TMEM260: variants seen among roughly 807,000 people sequenced by gnomAD.
The protein encoded by TMEM260 is protein O-mannosyl-transferase TMEM260.
In TMEM260, 82 loss-of-function variants were observed where a neutral mutation model predicts 88.9. That is an observed-to-expected ratio of 0.92 (90% CI 0.77 to 1.11). The LOEUF (loss-of-function observed/expected upper bound fraction) is 1.11. Ranked by LOEUF, TMEM260 falls within the 50% of genes least tolerant of loss-of-function variation. The pLI is 0.00. For synonymous variants in TMEM260, 314 were observed against 309.3 expected, an observed-to-expected ratio of 1.02 and a Z score of -0.16; for missense variants, 902 against 853.4, an observed-to-expected ratio of 1.06 and a Z score of -0.71.
intron 12 of TMEM260, among the ~76,000 whole-genome samples, chr14:56,626,676 A>T (rs1344474647): frequency 1.3e-5 from 2 of 152,324 alleles, no homozygotes; most frequent in East Asian, 1.9e-4. Context: ...TTCTGGCAGC[A>T]TGGATAAGGA....
intron 15 of TMEM260, among the ~76,000 whole-genome samples, chr14:56,644,819 T>G (rs1207996756): frequency 6.6e-6 from 1 of 151,900 alleles, no homozygotes; most frequent in Non-Finnish European, 1.5e-5. Context: ...AACAACCCCA[T>G]CAACAAGTGG....
At chr14:56,602,858 T>G (rs1886662317) in intron 3 of TMEM260, among the ~76,000 whole-genome samples, 1 of 152,188 alleles carries the variant, frequency 6.6e-6, no homozygotes, top group Non-Finnish European at 1.5e-5. Flanking sequence ...ACCCTGTAAC[T>G]TTTTATACAA....
At chr14:56,579,736 C>T (rs909563708), upstream of TMEM260, 31 of 456,892 alleles carry the variant, frequency 6.8e-5, no homozygotes, top group African/African-American at 5.8e-4. Flanking sequence ...TCAAGGGAGG[C>T]CTGGCATTTT....
chr14:56,624,057 GTAAT>G (rs998491966), intron 11 of TMEM260, among the ~76,000 whole-genome samples: 2 of 152,154 alleles, frequency 1.3e-5, no homozygotes, highest in African/African-American at 4.8e-5. Context: ...GTAAGGATAT[GTAAT>G]TAATATAGGG....
At chr14:56,585,949 G>A in intron 3 of TMEM260, 37 bp downstream of exon 3, 1 of 1,598,600 alleles carries the variant, frequency 6.3e-7, no homozygotes, top group South Asian at 1.1e-5. Flanking sequence ...ATTTTGAGCA[G>A]TTGGAGATGT....
intron 15 of TMEM260, among the ~76,000 whole-genome samples, chr14:56,641,221 A>C (rs1054604130): frequency 1.1e-4 from 16 of 152,036 alleles, no homozygotes; most frequent in African/African-American, 3.9e-4. Flanking sequence ...TGTCAGATTC[A>C]CCAAAGCTGA....
Position 56,621,621 on chromosome 14 carries a change from A to T in TMEM260, c.1317A>T (p.Arg439Ser). 4 of 1,613,692 alleles carry T rather than the reference A, an allele frequency of 2.5e-6. No homozygotes were observed. The highest frequency in any genetic ancestry group is 3.4e-6 in the Non-Finnish European group (4 of 1,179,806). ...SMPHDAIILL[R>S]GDLPGNSLRY... ...CTCATGATGCAATTATCTTACTCAGAGGAGATTTGCCAGGAAATTCTCTCC... is the reference window on the plus strand; with the variant it reads ...CTCATGATGCAATTATCTTACTCAGTGGAGATTTGCCAGGAAATTCTCTCC... Residue 439 changes from arginine (R) to serine (S), a missense_variant, in exon 11 of 16, where the codon AGA becomes AGT. Physicochemically the swap from Arg to Ser is moderately radical, Grantham distance 110. Coordinates refer to ENST00000261556, the MANE Select transcript of TMEM260 (RefSeq NM_017799.4).
intron 4 of TMEM260, among the ~76,000 whole-genome samples, chr14:56,605,155 C>T (rs771180300): frequency 6.6e-6 from 1 of 152,100 alleles, no homozygotes; most frequent in Non-Finnish European, 1.5e-5. Flanking sequence ...TGGAAAAACT[C>T]AAAACCAACA....
chr14:56,588,483 T>C (rs1375025779), intron 3 of TMEM260, among the ~76,000 whole-genome samples: 1 of 152,084 alleles, frequency 6.6e-6, no homozygotes. Flanking sequence ...TGTTTCCAAT[T>C]ACTATGTAAT....
downstream of TMEM260, among the ~76,000 whole-genome samples, chr14:56,652,733 A>G (rs141388437): frequency 8.8e-3 from 1,336 of 152,304 alleles, 12 homozygotes; most frequent in South Asian, 0.017. Flanking sequence ...GAATACTCGT[A>G]CTTAGTGTTT....
intron 1 of TMEM260, 69 bp from the exon 2 acceptor site, chr14:56,584,932 G>C: frequency 2.2e-6 from 3 of 1,371,524 alleles, no homozygotes; most frequent in Non-Finnish European, 3.1e-6. Context: ...CAAGCATTTG[G>C]ATTTTGAAAA....
the TMEM260 span, among the ~76,000 whole-genome samples, chr14:56,655,727 T>C: frequency 6.6e-6 from 1 of 152,212 alleles, no homozygotes; most frequent in Admixed American, 6.5e-5. Context: ...ATTGTGCTTA[T>C]ATTGTCATGT....
intron 3 of TMEM260, among the ~76,000 whole-genome samples, chr14:56,596,425 T>TATATATATATATATATATATACAC (rs1490067903): frequency 2.9e-5 from 4 of 135,634 alleles, no homozygotes; most frequent in African/African-American, 1.1e-4. Flanking sequence ...TATATATATA[T>TATATATATATATATATATATACAC]ACATACACAC....
At chr14:56,647,150 TTC>T (rs1435896355) in intron 15 of TMEM260, 91 bp from the exon 16 acceptor site, 11 of 1,398,478 alleles carry the variant, frequency 7.9e-6, no homozygotes, top group Non-Finnish European at 9.5e-6. Flanking sequence ...GAATTTTTTT[TTC>T]TTGTTATTAA....
downstream of TMEM260, chr14:56,649,590 A>G (rs1890155822): frequency 6.5e-6 from 1 of 152,674 alleles, no homozygotes. Flanking sequence ...ACATCTATAC[A>G]CAGATATGTG....
intron 12 of TMEM260, among the ~76,000 whole-genome samples, chr14:56,632,053 G>C (rs1315570203): frequency 6.6e-6 from 1 of 152,150 alleles, no homozygotes; most frequent in African/African-American, 2.4e-5. Context: ...GTGGTGGTCT[G>C]TCCTGTGGTT....
intron 1 of TMEM260, among the ~76,000 whole-genome samples, chr14:56,584,376 T>C (rs533291818): frequency 5.3e-4 from 81 of 152,282 alleles, no homozygotes; most frequent in East Asian, 2.7e-3. Flanking sequence ...TACTGCATCA[T>C]AATTTTAGAA....
In TMEM260 at chr14:56,647,621, T is replaced by C; in HGVS notation, c.*124T>C. 1 of 1,112,344 alleles carries C rather than the reference T, an allele frequency of 9.0e-7. No homozygotes were observed. Among genetic ancestry groups the C allele is most frequent in the East Asian group, 2.6e-5 (1 of 39,118 alleles). 68.9% of individuals were successfully genotyped at this position (1,112,344 alleles called of 1,614,324 possible). A position where few individuals can be genotyped will look rare whatever the true frequency, so the allele number is the denominator to read the frequency against. On this transcript the variant is annotated 3_prime_UTR_variant, in exon 16 of 16. Coordinates refer to ENST00000261556, the MANE Select transcript of TMEM260 (RefSeq NM_017799.4). ...AACTAAGTCATCTCCCAGATATAAGTATCATGGTCCAGCAGTACTGTTTAA... is the reference window on the plus strand; with the variant it reads ...AACTAAGTCATCTCCCAGATATAAGCATCATGGTCCAGCAGTACTGTTTAA...
chr14:56,602,219 C>A (rs574661290), intron 3 of TMEM260, among the ~76,000 whole-genome samples: 37 of 151,832 alleles, frequency 2.4e-4, no homozygotes, highest in Non-Finnish European at 4.0e-4. Context: ...GGGCTAAAAA[C>A]CTAGGAATTG....
Sources: gnomAD v4.1 joint callset for allele counts (sites outside exome capture counted in the v4.1 genomes callset) on GRCh38, gnomAD v4.1.1 for gene constraint, MANE v1.5 for transcripts, NCBI Gene and HGNC (gene_info 2026-07-23, HGNC 2026-07-21) for gene names.